Variants in WWOX observed in about 807,000 individuals in gnomAD.
WWOX encodes the protein WW domain-containing oxidoreductase.
A neutral mutation model predicts 46.2 loss-of-function variants in WWOX; 69 were observed. That is an observed-to-expected ratio of 1.49 (90% confidence interval 1.23 to 1.82). The LOEUF (loss-of-function observed/expected upper bound fraction) is 1.82, where lower values mean the gene tolerates loss of function less well. Among genes scored for constraint, WWOX ranks in the 40% most tolerant of loss-of-function variants. The probability of loss-of-function intolerance (pLI) is 0.00; values close to 1 mark genes in which losing one functional copy is unlikely to be tolerated. For missense variants in WWOX, 919 were observed against 542.6 expected (o/e 1.69, Z -6.89); for synonymous variants, 359 against 202.6 (o/e 1.77, Z -6.56).
chr16:78,157,359 C>T (rs1478260620), intron 4 of WWOX, among the ~76,000 whole-genome samples: 1 of 152,158 alleles, frequency 6.6e-6, no homozygotes, highest in Non-Finnish European at 1.5e-5. Flanking sequence ...TTACTTCTCT[C>T]ATTTTCCCCA....
At chr16:78,907,025 T>C (rs1300898650) in intron 8 of WWOX, among the ~76,000 whole-genome samples, 1 of 152,120 alleles carries the variant, frequency 6.6e-6, no homozygotes, top group African/African-American at 2.4e-5. Context: ...ACAGGGGAAT[T>C]GCAATAGGGA....
At chr16:78,532,200 G>A (rs1053196966) in intron 8 of WWOX, among the ~76,000 whole-genome samples, 8 of 151,724 alleles carry the variant, frequency 5.3e-5, no homozygotes, top group African/African-American at 1.9e-4. Context: ...TGTTTTTATT[G>A]AATTACATTT....
At chr16:78,830,591 C>T (rs1000363123) in intron 8 of WWOX, among the ~76,000 whole-genome samples, 14 of 152,156 alleles carry the variant, frequency 9.2e-5, no homozygotes, top group Middle Eastern at 6.8e-3. Context: ...TTTCCAAGGT[C>T]ACTAAATTAA....
chr16:79,192,070 G>C (rs2051147455), intron 8 of WWOX, among the ~76,000 whole-genome samples: 1 of 152,214 alleles, frequency 6.6e-6, no homozygotes, highest in Non-Finnish European at 1.5e-5. Flanking sequence ...TCAAGATAAG[G>C]GATGGGGAAT....
chr16:78,442,712 G>A (rs780385059), intron 8 of WWOX, among the ~76,000 whole-genome samples: 1 of 152,080 alleles, frequency 6.6e-6, no homozygotes, highest in African/African-American at 2.4e-5. Context: ...AGGCACAGTG[G>A]CTCATACCTG....
intron 8 of WWOX, among the ~76,000 whole-genome samples, chr16:78,583,913 T>C (rs1248161812): frequency 1.3e-5 from 2 of 152,180 alleles, no homozygotes; most frequent in Non-Finnish European, 2.9e-5. Flanking sequence ...TTAGGCATCC[T>C]CACAAAACTG....
At chr16:78,452,546 G>T (rs1335013857) in intron 8 of WWOX, among the ~76,000 whole-genome samples, 2 of 149,156 alleles carry the variant, frequency 1.3e-5, no homozygotes, top group Non-Finnish European at 3.0e-5. Context: ...GCGGATCTTG[G>T]CTCATTGCAA....
At chr16:78,711,795 A>T (rs1432611971) in intron 8 of WWOX, among the ~76,000 whole-genome samples, 2 of 152,114 alleles carry the variant, frequency 1.3e-5, no homozygotes, top group African/African-American at 4.8e-5. Context: ...AGCCTTCTCA[A>T]AGCCTCCTGC....
intron 8 of WWOX, among the ~76,000 whole-genome samples, chr16:78,575,568 G>T (rs1041023812): frequency 6.6e-6 from 1 of 152,030 alleles, no homozygotes; most frequent in Non-Finnish European, 1.5e-5. Context: ...TGGGGCATTG[G>T]ATCTCCCACA....
intron 8 of WWOX, among the ~76,000 whole-genome samples, chr16:78,539,957 G>C (rs1035917226): frequency 6.6e-6 from 1 of 151,368 alleles, no homozygotes; most frequent in Non-Finnish European, 1.5e-5. Context: ...CCATTTCACA[G>C]TGTTTCTAGC....
At chr16:78,257,586 A>G (rs555196670) in intron 5 of WWOX, among the ~76,000 whole-genome samples, 4 of 152,220 alleles carry the variant, frequency 2.6e-5, no homozygotes, top group East Asian at 1.9e-4. Flanking sequence ...TACTCTCCTC[A>G]TTCCCCACTG....
At chr16:78,712,407 C>T (rs12149443) in intron 8 of WWOX, among the ~76,000 whole-genome samples, 2,225 of 151,592 alleles carry the variant, frequency 0.015, 21 homozygotes, top group South Asian at 0.034. Flanking sequence ...GAGGCTGAGG[C>T]GGGAGAATCG....
intron 5 of WWOX, among the ~76,000 whole-genome samples, chr16:78,255,904 C>A (rs926788106): frequency 6.6e-6 from 1 of 152,052 alleles, no homozygotes; most frequent in East Asian, 1.9e-4. Context: ...ATAATCTCAG[C>A]ACTTTGAGAG....
chr16:78,810,065 C>G (rs903471045), intron 8 of WWOX, among the ~76,000 whole-genome samples: 10 of 152,186 alleles, frequency 6.6e-5, no homozygotes, highest in Admixed American at 3.3e-4. Flanking sequence ...GGTAATCCTT[C>G]AGCCCTTGAT....
rs566561004 is a variant in WWOX, at chr16:79,057,064, C to T, written c.1057-154544C>T. Among the ~76,000 whole-genome samples the T allele has an allele frequency of 1.1e-3, 170 of 152,272 alleles. 2 individuals are homozygous for T. Among genetic ancestry groups the T allele is most frequent in the Middle Eastern group, 3.4e-3 (1 of 294 alleles). ...TAGAAAACACCAGAAGTGATTTTGC[C>T]GCCATGGGCCTGAATTGAAGAGCTT... On this transcript the variant is annotated intron_variant, in intron 8 of 8. Transcript: ENST00000566780.
At chr16:78,577,750 G>C (rs948911540) in intron 8 of WWOX, among the ~76,000 whole-genome samples, 1 of 152,192 alleles carries the variant, frequency 6.6e-6, no homozygotes, top group African/African-American at 2.4e-5. Flanking sequence ...CTTCCTAGCA[G>C]TCTTGCGGAA....
chr16:78,815,436 CCCTGCACCGA>C (rs1347395362), intron 8 of WWOX, among the ~76,000 whole-genome samples: 1 of 152,122 alleles, frequency 6.6e-6, no homozygotes, highest in Non-Finnish European at 1.5e-5. Context: ...TTTCCTTAAA[CCCTGCACCGA>C]CCTTTACAAA....
intron 8 of WWOX, among the ~76,000 whole-genome samples, chr16:79,096,016 ATTT>A (rs57621801): frequency 2.4e-5 from 2 of 82,014 alleles, no homozygotes; most frequent in African/African-American, 1.1e-4. Context: ...CACCCGGATA[ATTT>A]TTTTTTTTTT....
chr16:79,070,474 C>G (rs555789603), intron 8 of WWOX, among the ~76,000 whole-genome samples: 5 of 152,146 alleles, frequency 3.3e-5, no homozygotes, highest in African/African-American at 1.2e-4. Context: ...TTACTCACCA[C>G]CGATGGAAAA....
Sources: allele counts gnomAD v4.1 joint callset (sites outside exome capture counted in the v4.1 genomes callset), GRCh38; gene constraint gnomAD v4.1.1; transcripts MANE v1.5; gene names NCBI Gene and HGNC (gene_info 2026-07-23, HGNC 2026-07-21).